SYNJ2: variants seen among roughly 807,000 people sequenced by gnomAD.
SYNJ2 encodes polyphosphatidylinositol phosphatase SYNJ2.
A neutral mutation model predicts 141.3 loss-of-function variants in SYNJ2; 116 were observed. The ratio of observed to expected loss-of-function variants is 0.82; its 90% CI spans 0.71 to 0.96. The LOEUF (loss-of-function observed/expected upper bound fraction) is 0.96. Ranked by LOEUF, SYNJ2 falls within the 40% of genes least tolerant of loss-of-function variation. The pLI, the probability that SYNJ2 is intolerant of heterozygous loss-of-function variation, is 0.00. For missense variants in SYNJ2, 1,873 were observed against 1,934.8 expected (o/e 0.97, Z 0.60); for synonymous variants, 745 against 777.7 (o/e 0.96, Z 0.70).
chr6:158,080,043 C>T (rs1193912092), intron 18 of SYNJ2, among the ~76,000 whole-genome samples: 7 of 152,186 alleles, frequency 4.6e-5, no homozygotes, highest in Admixed American at 4.6e-4. Context: ...TAATAACCAT[C>T]CCTGTGTCAG....
intron 2 of SYNJ2, among the ~76,000 whole-genome samples, chr6:158,020,990 A>C (rs1463911290): frequency 6.6e-6 from 1 of 152,242 alleles, no homozygotes; most frequent in Non-Finnish European, 1.5e-5. Flanking sequence ...CTGAAATGCC[A>C]GCAGGAAGGG....
At chr6:158,061,373 G>A (rs1298910261) in intron 7 of SYNJ2, among the ~76,000 whole-genome samples, 1 of 152,322 alleles carries the variant, frequency 6.6e-6, no homozygotes, top group South Asian at 2.1e-4. Flanking sequence ...ATGGAAGGGA[G>A]GGCTCTTAAG....
intron 1 of SYNJ2, among the ~76,000 whole-genome samples, chr6:157,990,373 C>T (rs1053818129): frequency 1.3e-5 from 2 of 152,204 alleles, no homozygotes; most frequent in Non-Finnish European, 2.9e-5. Context: ...AGCCTTCCAT[C>T]TCAGATGGAG....
intron 2 of SYNJ2, chr6:158,026,822 T>C (rs2128334812): frequency 1.0e-6 from 1 of 985,404 alleles, no homozygotes; most frequent in East Asian, 1.1e-4. Flanking sequence ...CCCTGCACTG[T>C]GTCAGAAGAG....
chr6:158,099,022 G>T lies in SYNJ2; in HGVS notation c.*2658G>T, dbSNP rs1221054613. Reference sequence around the variant, plus strand: ...AGTATAAACAAAGTAATGTATCAAAGCGTTCACTTTATAATGAAGTCATTT... The same window carrying T: ...AGTATAAACAAAGTAATGTATCAAATCGTTCACTTTATAATGAAGTCATTT... On this transcript the variant is annotated 3_prime_UTR_variant, in exon 27 of 27. Transcript: ENST00000355585. 1 of 152,192 alleles carries T rather than the reference G, an allele frequency of 6.6e-6. No individual in the cohort carries two copies. Among genetic ancestry groups the T allele is most frequent in the Non-Finnish European group, 1.5e-5 (1 of 68,044 alleles). The allele number at this position is 152,192 out of a possible 1,614,324, so 9.4% of individuals were successfully genotyped here. A position where few individuals can be genotyped will look rare whatever the true frequency, so the allele number is the denominator to read the frequency against.
chr6:158,038,137 C>T (rs1275448008), intron 4 of SYNJ2, among the ~76,000 whole-genome samples: 1 of 152,192 alleles, frequency 6.6e-6, no homozygotes, highest in African/African-American at 2.4e-5. Context: ...GGGTACAGCC[C>T]GATGCTGTTG....
intron 16 of SYNJ2, 80 bp downstream of exon 16, chr6:158,074,818 C>G (rs1266534488): frequency 1.8e-5 from 27 of 1,518,210 alleles, no homozygotes; most frequent in Non-Finnish European, 2.2e-5. Flanking sequence ...GCTGGTGCAG[C>G]AAATTCAGTT....
At chr6:158,042,136 T>A (rs1315880669) in intron 4 of SYNJ2, among the ~76,000 whole-genome samples, 1 of 152,272 alleles carries the variant, frequency 6.6e-6, no homozygotes, top group Admixed American at 6.5e-5. Flanking sequence ...GCCAACTATG[T>A]CTGTAGCCGT....
chr6:158,038,723 C>T (rs1035606598), intron 4 of SYNJ2, among the ~76,000 whole-genome samples: 8 of 152,298 alleles, frequency 5.3e-5, no homozygotes, highest in Middle Eastern at 3.4e-3. Flanking sequence ...GTGATGGGGG[C>T]GCAGCAGGAG....
intron 1 of SYNJ2, among the ~76,000 whole-genome samples, chr6:158,002,545 G>A (rs74842498): frequency 0.011 from 1,680 of 152,288 alleles, 29 homozygotes; most frequent in African/African-American, 0.038. Flanking sequence ...ACCTGCAGCC[G>A]CAGGACCTAA....
At chr6:158,042,662 G>T (rs1193437726) in intron 4 of SYNJ2, among the ~76,000 whole-genome samples, 1 of 152,254 alleles carries the variant, frequency 6.6e-6, no homozygotes, top group Non-Finnish European at 1.5e-5. Flanking sequence ...GGAGGAGATA[G>T]ATGTCTTAAA....
chr6:158,014,443 ACT>A (rs1364635194), intron 1 of SYNJ2, among the ~76,000 whole-genome samples: 5 of 152,304 alleles, frequency 3.3e-5, no homozygotes, highest in East Asian at 1.9e-4. Flanking sequence ...CAGGAACCTA[ACT>A]CTGCATTTCC....
At position 158,078,249 on chromosome 6, in the gene SYNJ2, TG is replaced by T; in HGVS notation, c.2537del (p.Gly846ValfsTer48). 1 of 1,614,036 alleles carries T rather than the reference TG, an allele frequency of 6.2e-7. No individual in the cohort carries two copies. The highest frequency in any genetic ancestry group is 1.1e-5 in the South Asian group (1 of 91,080). ...TWSPGALQYY[G>X]RAELQASDHR... is the part of the protein sequence containing the mutation. ...GGTCTCCTGGTGCCCTGCAGTATTA[TG>T]GTCGTGCGGAGCTACAAGCGTCTGA... On this transcript the variant is annotated frameshift_variant, in exon 18 of 27. Coordinates refer to ENST00000355585, the MANE Select transcript of SYNJ2 (RefSeq NM_003898.4). LOFTEE classifies it high-confidence loss of function.
In SYNJ2 at chr6:158,068,657, C is replaced by G; in HGVS notation, c.1728C>G (p.Ser576Arg). 1 of 1,614,234 alleles carries G rather than the reference C, an allele frequency of 6.2e-7. No individual in the cohort carries two copies. Among genetic ancestry groups the G allele is most frequent in the Non-Finnish European group, 8.5e-7 (1 of 1,180,040 alleles). The change falls in exon 13 of 27, where the codon AGC (serine) becomes AGG (arginine). Residue 576 changes from serine (S) to arginine (R), a missense_variant. Ser to Arg is a moderately radical substitution (Grantham distance 110). Coordinates refer to ENST00000355585, the MANE Select transcript of SYNJ2 (RefSeq NM_003898.4). ...SGATDSQDDS[S>R]PADIFAVGFE... Reference sequence around the variant, plus strand: ...TGCCTTGCTCCCCAGATGACAGCAGCCCAGCTGACATATTTGCTGTGGGGT... The same window carrying G: ...TGCCTTGCTCCCCAGATGACAGCAGGCCAGCTGACATATTTGCTGTGGGGT...
At chr6:158,000,080 T>A (rs1415314199) in intron 1 of SYNJ2, among the ~76,000 whole-genome samples, 1 of 60,704 alleles carries the variant, frequency 1.6e-5, no homozygotes, top group Non-Finnish European at 3.6e-5. Context: ...TTTTTTTTTT[T>A]TTTTTTTTTT....
rs565961363 is a variant in SYNJ2, at chr6:157,988,423, A to G, written c.127+6335A>G. ...TTTTATTTAACTGTTTTACTTTGTT[A>G]GCTTGATTTAAAACTGAACAGCTGG... On this transcript the variant is annotated intron_variant, in intron 1 of 26. Transcript: ENST00000355585. 1.6e-4 allele frequency among the ~76,000 whole-genome samples: 24 copies of G among 152,292 alleles called. No individual in the cohort carries two copies. The South Asian group carries it at 5.0e-3, about 32-fold the overall frequency.
intron 12 of SYNJ2, among the ~76,000 whole-genome samples, chr6:158,066,991 GTTTTGT>G (rs1252142568): frequency 2.0e-5 from 3 of 152,014 alleles, no homozygotes; most frequent in East Asian, 3.9e-4. Context: ...TGTCTTCGGT[GTTTTGT>G]TTTTGTTTTT....
chr6:158,033,292 T>C (rs1430241851), intron 3 of SYNJ2, among the ~76,000 whole-genome samples, 163 bp from the exon 4 acceptor site: 2 of 152,196 alleles, frequency 1.3e-5, no homozygotes, highest in African/African-American at 2.4e-5. Flanking sequence ...ACTTCCCAGA[T>C]CTGTACAGCC....
chr6:158,096,772 G>C lies in SYNJ2; in HGVS notation c.*408G>C, dbSNP rs1583538590. The C allele has an allele frequency of 1.2e-5, 2 of 162,002 alleles. No homozygotes were observed. Among genetic ancestry groups the C allele is most frequent in the East Asian group, 1.8e-4 (1 of 5,428 alleles). 10.0% of individuals were successfully genotyped at this position (162,002 alleles called of 1,614,324 possible). A position where few individuals can be genotyped will look rare whatever the true frequency, so the allele number is the denominator to read the frequency against. ...CAGATTTGGTATAACATTTTGGGGAGCCACCTGAAGGTTGATGTATAAAGT... is the reference window on the plus strand; with the variant it reads ...CAGATTTGGTATAACATTTTGGGGACCCACCTGAAGGTTGATGTATAAAGT... On this transcript the variant is annotated 3_prime_UTR_variant, in exon 27 of 27. Transcript: ENST00000355585.
Sources: gnomAD v4.1 joint callset for allele counts (sites outside exome capture counted in the v4.1 genomes callset) on GRCh38, gnomAD v4.1.1 for gene constraint, MANE v1.5 for transcripts, NCBI Gene and HGNC (gene_info 2026-07-23, HGNC 2026-07-21) for gene names.